Variants in CCDC102B observed in about 807,000 individuals in gnomAD.
The protein encoded by CCDC102B is coiled-coil domain-containing protein 102B.
CCDC102B carries 75 observed loss-of-function variants against 57.4 expected under a neutral mutation model. The observed-to-expected ratio is 1.31, with a 90% confidence interval of 1.08 to 1.58. The LOEUF (loss-of-function observed/expected upper bound fraction) is 1.58, where lower values mean the gene tolerates loss of function less well. Among genes scored for constraint, CCDC102B ranks in the 40% most tolerant of loss-of-function variants. The pLI, the probability that CCDC102B is intolerant of heterozygous loss-of-function variation, is 0.00. For missense variants in CCDC102B, 636 were observed against 582.6 expected (o/e 1.09, Z -0.94); for synonymous variants, 206 against 201.9 (o/e 1.02, Z -0.17).
chr18:68,834,118 A>G (rs942137332), intron 1 of CCDC102B, among the ~76,000 whole-genome samples: 7 of 152,148 alleles, frequency 4.6e-5, no homozygotes, highest in African/African-American at 1.7e-4. Flanking sequence ...CTCCAAGTTC[A>G]AGGACTGACT....
chr18:69,015,267 CAATT>C (rs1354767020), intron 7 of CCDC102B, among the ~76,000 whole-genome samples: 1 of 152,150 alleles, frequency 6.6e-6, no homozygotes, highest in Admixed American at 6.5e-5. Context: ...CTAATCGAAT[CAATT>C]GATTACCACA....
intron 4 of CCDC102B, among the ~76,000 whole-genome samples, chr18:68,861,775 G>A (rs538168529): frequency 6.6e-6 from 1 of 152,296 alleles, no homozygotes; most frequent in Non-Finnish European, 1.5e-5. Flanking sequence ...CTCTGATGGT[G>A]CTCATCTTGG....
chr18:68,845,258 C>T (rs1192973595), intron 3 of CCDC102B, among the ~76,000 whole-genome samples: 6 of 151,782 alleles, frequency 4.0e-5, no homozygotes, highest in African/African-American at 1.2e-4. Context: ...AATATTGATT[C>T]TGCATGCATT....
chr18:68,721,074 A>G (rs944915636), intron 2 of CCDC102B: 2 of 152,228 alleles, frequency 1.3e-5, no homozygotes, highest in African/African-American at 4.8e-5. Context: ...ACCTTTAAAT[A>G]AAAGACACCC....
intron 4 of CCDC102B, among the ~76,000 whole-genome samples, chr18:68,857,644 C>A (rs910706993): frequency 7.3e-5 from 11 of 151,202 alleles, no homozygotes; most frequent in Non-Finnish European, 1.5e-4. Flanking sequence ...GTACATATAA[C>A]TAAAGACAAA....
chr18:68,723,518 T>C (rs150882451), intron 2 of CCDC102B, among the ~76,000 whole-genome samples: 195 of 152,234 alleles, frequency 1.3e-3, no homozygotes, highest in Non-Finnish European at 2.2e-3. Context: ...GGCGCAAGGA[T>C]TGGATAAATA....
In CCDC102B at chr18:69,054,069, T is replaced by G. The variant is rs977681765; in HGVS notation, c.1474T>G (p.Ser492Ala). 4.0e-5 allele frequency: 64 copies of G among 1,606,624 alleles called. No homozygotes were observed. Among genetic ancestry groups the G allele is most frequent in the Non-Finnish European group, 5.4e-5 (64 of 1,177,950 alleles). ...SLNQIRKLQR[S>A]LDEEKERNEN... Reference sequence around the variant, plus strand: ...GAATCAGATCCGTAAGCTCCAGAGGTCTCTGGATGAAGAGAAAGAAAGAAA... The same window carrying G: ...GAATCAGATCCGTAAGCTCCAGAGGGCTCTGGATGAAGAGAAAGAAAGAAA... Residue 492 changes from serine to alanine, a missense_variant, in exon 8 of 8, where the codon TCT (serine) becomes GCT (alanine). Ser to Ala is a moderately conservative substitution (Grantham distance 99). Transcript: ENST00000360242.
rs1380027799 is a variant in CCDC102B, at chr18:68,749,608, A to AT, written c.-67+33019dup. Reference sequence around the variant, plus strand: ...TTATTGGTGTATAAGAATGCTTGTGATTTTTGCACACTGATTTTGTATCCT... The same window carrying AT: ...TTATTGGTGTATAAGAATGCTTGTGATTTTTTGCACACTGATTTTGTATCCT... On this transcript the variant is annotated intron_variant, in intron 2 of 3. Coordinates refer to the CCDC102B transcript ENST00000578970. Among the ~76,000 whole-genome samples, 3 of 152,008 alleles carry AT rather than the reference A, an allele frequency of 2.0e-5. No homozygotes were observed. The East Asian group carries it at 5.8e-4, about 29-fold the overall frequency.
chr18:69,050,494 A>G (rs539309404), intron 7 of CCDC102B, among the ~76,000 whole-genome samples: 1 of 152,318 alleles, frequency 6.6e-6, no homozygotes, highest in South Asian at 2.1e-4. Context: ...CACTTACAAT[A>G]GCAGTACCCA....
At chr18:68,981,975 A>AAAAT (rs540324569) in intron 6 of CCDC102B, among the ~76,000 whole-genome samples, 13 of 151,902 alleles carry the variant, frequency 8.6e-5, no homozygotes, top group East Asian at 1.9e-4. Flanking sequence ...TATAATTAAA[A>AAAAT]AAATAAATAA....
intron 6 of CCDC102B, among the ~76,000 whole-genome samples, chr18:68,943,850 A>C (rs2049456550): frequency 6.6e-6 from 1 of 152,182 alleles, no homozygotes; most frequent in Admixed American, 6.6e-5. Context: ...CAAATGCAAT[A>C]ATTCTACAGA....
At chr18:68,784,647 T>C (rs1440879638) in intron 2 of CCDC102B, among the ~76,000 whole-genome samples, 1 of 152,214 alleles carries the variant, frequency 6.6e-6, no homozygotes, top group African/African-American at 2.4e-5. Context: ...TATAGATCCT[T>C]GTAATATTAG....
chr18:68,849,072 A>G (rs2038005906), intron 4 of CCDC102B, among the ~76,000 whole-genome samples: 1 of 152,122 alleles, frequency 6.6e-6, no homozygotes. Context: ...ATTTATAAAT[A>G]CTTTCAGAGA....
chr18:68,873,028 C>G (rs917926292), intron 4 of CCDC102B, among the ~76,000 whole-genome samples: 54 of 152,206 alleles, frequency 3.5e-4, no homozygotes, highest in Middle Eastern at 3.4e-3. Flanking sequence ...AGAGGTTAAA[C>G]GGGGGCATTC....
intron 2 of CCDC102B, among the ~76,000 whole-genome samples, chr18:68,740,002 T>C (rs1035521145): frequency 1.3e-5 from 2 of 152,230 alleles, no homozygotes; most frequent in Non-Finnish European, 2.9e-5. Context: ...AATAGTTAAA[T>C]AGATATTGAA....
At chr18:68,891,353 G>C (rs889276644) in intron 5 of CCDC102B, among the ~76,000 whole-genome samples, 2 of 152,182 alleles carry the variant, frequency 1.3e-5, no homozygotes, top group African/African-American at 4.8e-5. Flanking sequence ...CAATATTGGG[G>C]TTCCCCTTTT....
chr18:68,890,541 G>T (rs2040037637), intron 5 of CCDC102B, among the ~76,000 whole-genome samples: 1 of 152,166 alleles, frequency 6.6e-6, no homozygotes, highest in Non-Finnish European at 1.5e-5. Flanking sequence ...GATAATGGTT[G>T]ATGTATCACA....
At chr18:68,888,476 C>T (rs2039965416) in intron 5 of CCDC102B, among the ~76,000 whole-genome samples, 1 of 152,150 alleles carries the variant, frequency 6.6e-6, no homozygotes, top group African/African-American at 2.4e-5. Flanking sequence ...AGGATTTTCT[C>T]CCGCTATTGA....
intron 6 of CCDC102B, among the ~76,000 whole-genome samples, chr18:68,929,616 G>T (rs1020899214): frequency 7.9e-5 from 12 of 151,870 alleles, no homozygotes; most frequent in African/African-American, 2.2e-4. Flanking sequence ...TAGTTAGTGT[G>T]TCCAGTCATT....
Sources: allele counts gnomAD v4.1 joint callset (sites outside exome capture counted in the v4.1 genomes callset), GRCh38; gene constraint gnomAD v4.1.1; transcripts MANE v1.5; gene names NCBI Gene and HGNC (gene_info 2026-07-23, HGNC 2026-07-21).